The following RANBP2 variants were observed in gnomAD, a reference collection of about 807,000 sequenced individuals.
RANBP2 encodes RAN binding protein 2.
In RANBP2, 57 loss-of-function variants were observed where a neutral mutation model predicts 303.6. That is an observed-to-expected ratio of 0.19 (90% CI 0.15 to 0.23). The LOEUF (loss-of-function observed/expected upper bound fraction) is 0.23, where lower values mean the gene tolerates loss of function less well. Ranked by LOEUF, RANBP2 falls within the 10% of genes least tolerant of loss-of-function variation. The pLI, the probability that RANBP2 is intolerant of heterozygous loss-of-function variation, is 1.00. For missense variants in RANBP2, 3,138 were observed against 3,780.8 expected (o/e 0.83, Z 4.46); for synonymous variants, 1,167 against 1,301.5 (o/e 0.90, Z 2.23).
At chr2:109,433,695 G>T in the RANBP2 span, among the ~76,000 whole-genome samples, 1 of 152,334 alleles carries the variant, frequency 6.6e-6, no homozygotes, top group African/African-American at 2.4e-5. Flanking sequence ...GCTCTAGTTC[G>T]CAAGGCAATC....
At chr2:108,833,657 A>G in the RANBP2 span, among the ~76,000 whole-genome samples, 1 of 152,176 alleles carries the variant, frequency 6.6e-6, no homozygotes, top group East Asian at 1.9e-4. Context: ...CAGTACTTAC[A>G]TAATAAGAAA....
Position 108,762,199 on chromosome 2 carries a change from A to G in RANBP2, c.2697+4A>G. ...AGCTAATGTTACTCCCACAAAGGTA[A>G]CAAAGGAATAATTTATACATTTATA... On this transcript the variant is annotated splice_donor_region_variant and intron_variant, in intron 19 of 28. Coordinates refer to ENST00000283195, the MANE Select transcript of RANBP2 (RefSeq NM_006267.5). 6.3e-7 allele frequency: 1 copy of G among 1,577,686 alleles called. No individual in the cohort carries two copies. Among genetic ancestry groups the G allele is most frequent in the Non-Finnish European group, 8.5e-7 (1 of 1,172,270 alleles).
intron 18 of RANBP2, 25 bp from the exon 19 acceptor site, chr2:108,762,076 C>A: frequency 6.3e-7 from 1 of 1,596,452 alleles, no homozygotes; most frequent in South Asian, 1.1e-5. Flanking sequence ...ACAGTGTTTT[C>A]TTTATTTTCT....
chr2:108,981,339 G>A, the RANBP2 span, among the ~76,000 whole-genome samples: 17 of 152,304 alleles, frequency 1.1e-4, 1 homozygote, highest in African/African-American at 3.8e-4. Context: ...AACCCCACCA[G>A]GACCAGTCCA....
the RANBP2 span, among the ~76,000 whole-genome samples, chr2:109,038,140 A>G: frequency 6.6e-6 from 1 of 152,362 alleles, no homozygotes; most frequent in Middle Eastern, 3.4e-3. Context: ...CCACACAAAC[A>G]TGCTCGACTG....
the RANBP2 span, among the ~76,000 whole-genome samples, chr2:109,664,371 C>T: frequency 4.2e-3 from 632 of 152,030 alleles, 3 homozygotes; most frequent in South Asian, 0.022. Flanking sequence ...TTTGGGAGGC[C>T]GAGGCGGGCG....
chr2:108,943,989 G>T, the RANBP2 span, among the ~76,000 whole-genome samples: 5 of 152,248 alleles, frequency 3.3e-5, no homozygotes, highest in Non-Finnish European at 1.5e-5. Context: ...AATGCATGTG[G>T]AAGTGTTTTG....
chr2:108,821,536 G>T, the RANBP2 span, among the ~76,000 whole-genome samples: 1 of 152,060 alleles, frequency 6.6e-6, no homozygotes, highest in South Asian at 2.1e-4. Context: ...AATGAAAAGG[G>T]AATCTAAGTG....
chr2:109,615,079 C>T, the RANBP2 span: 1 of 1,549,546 alleles, frequency 6.5e-7, no homozygotes, highest in Non-Finnish European at 8.7e-7. Flanking sequence ...GGGGCTACCG[C>T]ACAGAGGCCG....
At chr2:108,874,383 G>A in the RANBP2 span, among the ~76,000 whole-genome samples, 1 of 152,084 alleles carries the variant, frequency 6.6e-6, no homozygotes, top group Non-Finnish European at 1.5e-5. Flanking sequence ...TGTATAACCA[G>A]TTACTAAACT....
At chr2:109,655,226 A>G in the RANBP2 span, among the ~76,000 whole-genome samples, 32 of 152,246 alleles carry the variant, frequency 2.1e-4, no homozygotes, top group African/African-American at 7.7e-4. Flanking sequence ...CTGTTTTACC[A>G]GATATGTCCT....
the RANBP2 span, among the ~76,000 whole-genome samples, chr2:108,912,102 G>A: frequency 1.3e-5 from 2 of 152,186 alleles, no homozygotes; most frequent in Admixed American, 1.3e-4. Flanking sequence ...GAGGGCTCTG[G>A]AGGGTACCTC....
chr2:108,796,750 G>A, the RANBP2 span, among the ~76,000 whole-genome samples: 1 of 152,162 alleles, frequency 6.6e-6, no homozygotes, highest in Non-Finnish European at 1.5e-5. Context: ...GTTCTCACTC[G>A]TGTGGGGTGG....
At chr2:108,797,646 A>C in the RANBP2 span, among the ~76,000 whole-genome samples, 1 of 152,076 alleles carries the variant, frequency 6.6e-6, no homozygotes, top group Non-Finnish European at 1.5e-5. Flanking sequence ...AGGCAATATG[A>C]TCCTGAGCCT....
chr2:109,731,763 C>G, the RANBP2 span, among the ~76,000 whole-genome samples: 1 of 152,074 alleles, frequency 6.6e-6, no homozygotes, highest in Non-Finnish European at 1.5e-5. Context: ...GCTGGGATTA[C>G]AGGCAGGAGC....
At chr2:108,865,296 T>A in the RANBP2 span, among the ~76,000 whole-genome samples, 5 of 152,344 alleles carry the variant, frequency 3.3e-5, no homozygotes, top group Admixed American at 3.3e-4. Flanking sequence ...AGTGCTTCTG[T>A]GAATAACCGT....
chr2:109,707,805 A>G, the RANBP2 span, among the ~76,000 whole-genome samples: 70 of 152,372 alleles, frequency 4.6e-4, no homozygotes, highest in African/African-American at 1.6e-3. Flanking sequence ...CAACCACACC[A>G]CTTCAAAGTG....
the RANBP2 span, among the ~76,000 whole-genome samples, chr2:109,607,099 G>T: frequency 2.0e-5 from 3 of 152,180 alleles, no homozygotes; most frequent in South Asian, 4.1e-4. Context: ...CCATCGCTTC[G>T]TTTACTATTT....
the RANBP2 span, chr2:109,545,837 C>T: frequency 1.4e-6 from 2 of 1,435,146 alleles, no homozygotes; most frequent in Non-Finnish European, 1.8e-6. Flanking sequence ...TTGGCAAATA[C>T]TGAACACATA....
Sources: allele counts gnomAD v4.1 joint callset (sites outside exome capture counted in the v4.1 genomes callset), GRCh38; gene constraint gnomAD v4.1.1; transcripts MANE v1.5; gene names NCBI Gene and HGNC (gene_info 2026-07-23, HGNC 2026-07-21).